CADPS2: variants seen among roughly 807,000 people sequenced by gnomAD.
CADPS2 encodes the protein calcium dependent secretion activator 2, also known as calcium-dependent secretion activator 2.
In CADPS2, 93 loss-of-function variants were observed where a neutral mutation model predicts 172.5. That is an observed-to-expected ratio of 0.54 (90% CI 0.46 to 0.64). The LOEUF (loss-of-function observed/expected upper bound fraction) is 0.64. Ranked by LOEUF, CADPS2 falls within the 30% of genes least tolerant of loss-of-function variation. CADPS2 has a pLI of 0.00. For missense variants in CADPS2, 1,420 were observed against 1,565.9 expected, an observed-to-expected ratio of 0.91 and a Z score of 1.57; for synonymous variants, 546 against 555.2, an observed-to-expected ratio of 0.98 and a Z score of 0.23.
chr7:122,602,610 G>A (rs893555985), intron 6 of CADPS2, among the ~76,000 whole-genome samples: 1 of 151,976 alleles, frequency 6.6e-6, no homozygotes, highest in Non-Finnish European at 1.5e-5. Context: ...GGCACCATGT[G>A]TACATACAAA....
At chr7:122,702,695 A>G in intron 2 of CADPS2, 9 of 1,612,804 alleles carry the variant, frequency 5.6e-6, no homozygotes, top group Non-Finnish European at 7.6e-6. Context: ...ACTAAGCCTC[A>G]AAAGTCCAGA....
chr7:122,401,835 C>G (rs943607623), intron 20 of CADPS2, among the ~76,000 whole-genome samples: 2 of 152,144 alleles, frequency 1.3e-5, no homozygotes, highest in East Asian at 1.9e-4. Flanking sequence ...CTCTGGGAGT[C>G]AGTGAGTGAG....
chr7:122,602,640 T>A (rs947740589), intron 6 of CADPS2, among the ~76,000 whole-genome samples: 2 of 152,000 alleles, frequency 1.3e-5, no homozygotes, highest in Admixed American at 6.6e-5. Flanking sequence ...CAGTATGGCA[T>A]TTTTGGCTCC....
intron 1 of CADPS2, among the ~76,000 whole-genome samples, chr7:122,844,190 T>C (rs1811344387): frequency 6.6e-6 from 1 of 152,190 alleles, no homozygotes; most frequent in Non-Finnish European, 1.5e-5. Flanking sequence ...TGGGGTTAAC[T>C]GTTACAAGGC....
At chr7:122,673,022 C>T (rs1175379624) in intron 2 of CADPS2, among the ~76,000 whole-genome samples, 2 of 152,118 alleles carry the variant, frequency 1.3e-5, no homozygotes, top group African/African-American at 2.4e-5. Flanking sequence ...AGCTGCAGAC[C>T]TTCGCAGTGT....
At chr7:122,541,926 T>G (rs1264686764) in intron 8 of CADPS2, among the ~76,000 whole-genome samples, 6 of 143,678 alleles carry the variant, frequency 4.2e-5, no homozygotes, top group Non-Finnish European at 6.0e-5. Context: ...TATATATAAC[T>G]ATTGCAACAG....
intron 3 of CADPS2, among the ~76,000 whole-genome samples, chr7:122,631,940 T>C (rs2076617821): frequency 6.6e-6 from 1 of 152,170 alleles, no homozygotes; most frequent in Admixed American, 6.6e-5. Context: ...GAATGTGTGA[T>C]ATTTGGTTTT....
intron 14 of CADPS2, among the ~76,000 whole-genome samples, chr7:122,461,022 G>A (rs1343344124): frequency 6.6e-6 from 1 of 152,142 alleles, no homozygotes; most frequent in Non-Finnish European, 1.5e-5. Context: ...AGCAATGGCG[G>A]AGTTGTATAG....
chr7:122,604,653 CT>C (rs563408586), intron 6 of CADPS2, among the ~76,000 whole-genome samples: 2 of 152,272 alleles, frequency 1.3e-5, no homozygotes, highest in Admixed American at 1.3e-4. Flanking sequence ...CAAACCTTTT[CT>C]CATGCACTTC....
At chr7:122,695,442 T>C (rs184606502) in intron 2 of CADPS2, among the ~76,000 whole-genome samples, 15 of 152,360 alleles carry the variant, frequency 9.8e-5, no homozygotes, top group Admixed American at 7.8e-4. Context: ...AAATTTGATA[T>C]AGTAGTGCTA....
At chr7:122,559,313 C>G (rs1480873384) in intron 7 of CADPS2, among the ~76,000 whole-genome samples, 2 of 152,128 alleles carry the variant, frequency 1.3e-5, no homozygotes, top group Non-Finnish European at 2.9e-5. Context: ...TGTAACATTA[C>G]TCTAGGTTCT....
intron 20 of CADPS2, among the ~76,000 whole-genome samples, chr7:122,405,679 C>T (rs764186331): frequency 5.9e-5 from 9 of 151,956 alleles, no homozygotes; most frequent in Non-Finnish European, 8.8e-5. Context: ...AACAAAAAAC[C>T]GGCTTAGGAT....
rs192562159 is a variant in CADPS2, at chr7:122,437,338, G to C, written c.2476+1003C>G. On this transcript the variant is annotated intron_variant, in intron 17 of 29. Coordinates refer to ENST00000449022, the MANE Select transcript of CADPS2 (RefSeq NM_017954.11). ...TTAATCACTCAGGAGGTTGGTTATC[G>C]TATGCTTGTTAGAAAGCTTGACCAG... Among the ~76,000 whole-genome samples, 460 of 152,112 alleles carry C rather than the reference G, an allele frequency of 3.0e-3. 3 individuals carry two copies. Among genetic ancestry groups the C allele is most frequent in the African/African-American group, 0.011 (444 of 41,532 alleles).
At chr7:122,367,710 ATTTTTTTTTTTT>A (rs57790964) in intron 25 of CADPS2, among the ~76,000 whole-genome samples, 7 of 60,126 alleles carry the variant, frequency 1.2e-4, no homozygotes, top group African/African-American at 2.2e-4. Flanking sequence ...TGCCCAGCTA[ATTTTTTTTTTTT>A]TTTTTTTTTT....
chr7:122,477,031 AGGAGAGGAGAG>A (rs1563448401), intron 12 of CADPS2, among the ~76,000 whole-genome samples: 1,483 of 98,444 alleles, frequency 0.015, 26 homozygotes, highest in African/African-American at 0.029. Flanking sequence ...AGGAGAGGAG[AGGAGAGGAGAG>A]GAGAGAGAGA....
At chr7:122,362,154 C>T (rs2040235794) in intron 25 of CADPS2, among the ~76,000 whole-genome samples, 1 of 152,104 alleles carries the variant, frequency 6.6e-6, no homozygotes. Flanking sequence ...GGTGGTGTAA[C>T]ATATGAGCTC....
chr7:122,585,147 G>A (rs1197039557), intron 6 of CADPS2, among the ~76,000 whole-genome samples: 1 of 151,934 alleles, frequency 6.6e-6, no homozygotes, highest in African/African-American at 2.4e-5. Flanking sequence ...CAGCAGGCCA[G>A]AAGACAAAGC....
chr7:122,681,518 T>C, intron 2 of CADPS2: 4 of 1,462,328 alleles, frequency 2.7e-6, no homozygotes, highest in Middle Eastern at 2.2e-4. Context: ...CCAAGCTGTA[T>C]GTGAAGCTAC....
chr7:122,536,593 C>T (rs1246869840), intron 8 of CADPS2, among the ~76,000 whole-genome samples: 1 of 151,904 alleles, frequency 6.6e-6, no homozygotes, highest in Non-Finnish European at 1.5e-5. Flanking sequence ...CACAAACAGG[C>T]GAGAGACCAT....
Sources: gnomAD v4.1 joint callset for allele counts (sites outside exome capture counted in the v4.1 genomes callset) on GRCh38, gnomAD v4.1.1 for gene constraint, MANE v1.5 for transcripts, NCBI Gene and HGNC (gene_info 2026-07-23, HGNC 2026-07-21) for gene names.